KCNAB1: variants seen among roughly 807,000 people sequenced by gnomAD.
KCNAB1 encodes the protein voltage-gated potassium channel subunit beta-1.
A neutral mutation model predicts 64.6 loss-of-function variants in KCNAB1; 35 were observed. That is an observed-to-expected ratio of 0.54 (90% CI 0.41 to 0.72). The LOEUF is 0.72. KCNAB1 is among the 30% of genes least tolerant of loss of function. The pLI is 0.00. For missense variants in KCNAB1, 401 were observed against 512.9 expected (o/e 0.78, Z 2.11); for synonymous variants, 177 against 183.8 (o/e 0.96, Z 0.30).
At chr3:156,370,578 C>T (rs1726236157) in intron 1 of KCNAB1, among the ~76,000 whole-genome samples, 1 of 152,256 alleles carries the variant, frequency 6.6e-6, no homozygotes, top group Non-Finnish European at 1.5e-5. Flanking sequence ...TTAATGCAAA[C>T]TGATGTATGA....
intron 1 of KCNAB1, among the ~76,000 whole-genome samples, chr3:156,355,991 G>A (rs1168560974): frequency 1.3e-5 from 2 of 151,756 alleles, no homozygotes; most frequent in Non-Finnish European, 2.9e-5. Context: ...GCATGGTGGT[G>A]TGCACCTGTA....
chr3:156,459,166 C>G (rs1000605012), intron 4 of KCNAB1, among the ~76,000 whole-genome samples: 1 of 152,188 alleles, frequency 6.6e-6, no homozygotes, highest in Non-Finnish European at 1.5e-5. Context: ...GGACATAGAA[C>G]ATTTGTCTCC....
intron 1 of KCNAB1, among the ~76,000 whole-genome samples, chr3:156,384,586 G>A (rs1712429452): frequency 6.6e-6 from 1 of 152,176 alleles, no homozygotes; most frequent in South Asian, 2.1e-4. Context: ...TGAGATATGA[G>A]TAGAAAGAAA....
intron 1 of KCNAB1, among the ~76,000 whole-genome samples, chr3:156,205,010 C>A (rs1213108876): frequency 6.6e-6 from 1 of 152,048 alleles, no homozygotes; most frequent in African/African-American, 2.4e-5. Flanking sequence ...ATGTACAACA[C>A]AAAAATTATA....
At chr3:156,410,738 T>C (rs1316835592) in intron 1 of KCNAB1, among the ~76,000 whole-genome samples, 5 of 152,230 alleles carry the variant, frequency 3.3e-5, no homozygotes, top group African/African-American at 1.2e-4. Flanking sequence ...TATTGTAGCC[T>C]TTTGAGTTTG....
chr3:156,168,629 A>C (rs560061717), intron 1 of KCNAB1, among the ~76,000 whole-genome samples: 1 of 152,350 alleles, frequency 6.6e-6, no homozygotes, highest in Non-Finnish European at 1.5e-5. Context: ...ACATGGATAC[A>C]TCAAAATGTA....
At chr3:156,517,186 C>T (rs1717618866) in intron 11 of KCNAB1, among the ~76,000 whole-genome samples, 1 of 152,196 alleles carries the variant, frequency 6.6e-6, no homozygotes, top group South Asian at 2.1e-4. Context: ...AACTTCTTGC[C>T]TCCATCAGCA....
intron 8 of KCNAB1, among the ~76,000 whole-genome samples, chr3:156,476,003 A>G (rs535745369): frequency 6.6e-6 from 1 of 152,218 alleles, no homozygotes; most frequent in Non-Finnish European, 1.5e-5. Context: ...AGCGTGGGAA[A>G]TTTTCCATGG....
chr3:156,516,300 C>T lies in KCNAB1; in HGVS notation c.896C>T (p.Ala299Val), dbSNP rs757532515. 55 of 1,613,870 alleles carry T rather than the reference C, an allele frequency of 3.4e-5. No individual in the cohort carries two copies. The highest frequency in any genetic ancestry group is 4.5e-5 in the Non-Finnish European group (53 of 1,179,860). Reference protein sequence around the residue: ...GVGAMTWSPLACGIISGKYGN... With the variant: ...GVGAMTWSPLVCGIISGKYGN... ...GGCGCAATGACATGGTCTCCACTTGCCTGTGGAATCATCTCAGGAAAATAC... is the reference window on the plus strand; with the variant it reads ...GGCGCAATGACATGGTCTCCACTTGTCTGTGGAATCATCTCAGGAAAATAC... Residue 299 changes from alanine to valine, a missense_variant, in exon 11 of 14, where the codon GCC (alanine) becomes GTC (valine). Ala to Val is a moderately conservative substitution (Grantham distance 64). Transcript: ENST00000490337.
chr3:156,281,700 G>C (rs1719737913), intron 1 of KCNAB1, among the ~76,000 whole-genome samples: 1 of 151,116 alleles, frequency 6.6e-6, no homozygotes, highest in Non-Finnish European at 1.5e-5. Flanking sequence ...TTGGGAGAGT[G>C]TATGTGTCCA....
At chr3:156,453,457 T>C (rs1712155482) in intron 3 of KCNAB1, among the ~76,000 whole-genome samples, 1 of 152,202 alleles carries the variant, frequency 6.6e-6, no homozygotes, top group African/African-American at 2.4e-5. Context: ...CTAACTTTGA[T>C]GGTGATCTGT....
intron 1 of KCNAB1, among the ~76,000 whole-genome samples, chr3:156,303,136 C>T (rs998298094): frequency 3.9e-5 from 6 of 152,214 alleles, no homozygotes; most frequent in Non-Finnish European, 8.8e-5. Context: ...CTGTGAAGTT[C>T]TGTCTCACAT....
At chr3:156,484,221 G>A (rs533496169) in intron 8 of KCNAB1, among the ~76,000 whole-genome samples, 1 of 152,128 alleles carries the variant, frequency 6.6e-6, no homozygotes, top group South Asian at 2.1e-4. Flanking sequence ...GTATCATTCA[G>A]TAAGTTAAAA....
rs1298633303 is a variant in KCNAB1 at position 156,284,152 on chromosome 3, G to A, written c.276-137464G>A. ...ATGTACAGATGGGTTTTTGGTGTGG[G>A]TGTCCTTTCTGTTTGTTAGTTTTCC... On this transcript the variant is annotated intron_variant, in intron 1 of 13. Transcript: ENST00000490337. Among the ~76,000 whole-genome samples the A allele has an allele frequency of 7.6e-3, 1,147 of 151,702 alleles. 7 individuals carry two copies. Among genetic ancestry groups the A allele is most frequent in the Non-Finnish European group, 0.011 (739 of 67,874 alleles).
At chr3:156,133,646 G>A (rs991910388) in intron 1 of KCNAB1, among the ~76,000 whole-genome samples, 9 of 152,172 alleles carry the variant, frequency 5.9e-5, no homozygotes, top group African/African-American at 2.2e-4. Context: ...CAACACTACA[G>A]TCAAGTTTTT....
chr3:156,426,104 AC>A (rs1715798505), intron 2 of KCNAB1, among the ~76,000 whole-genome samples: 1 of 152,090 alleles, frequency 6.6e-6, no homozygotes, highest in East Asian at 1.9e-4. Flanking sequence ...GATTATAAGA[AC>A]CCTTGTTTGC....
chr3:156,420,950 C>G (rs902895203), intron 1 of KCNAB1, among the ~76,000 whole-genome samples: 21 of 150,110 alleles, frequency 1.4e-4, no homozygotes, highest in African/African-American at 3.7e-4. Flanking sequence ...TATATATACA[C>G]ACACACACAT....
chr3:156,452,080 A>C lies in KCNAB1; in HGVS notation c.320-819A>C, dbSNP rs1712050821. On this transcript the variant is annotated intron_variant, in intron 2 of 13. Coordinates refer to ENST00000490337, the MANE Select transcript of KCNAB1 (RefSeq NM_172160.3). The surrounding 1 kb of genome is among the most constrained non-coding windows in gnomAD (Gnocchi z 4.6). ...GTGCAATGCTTTTATGTGGCATGTA[A>C]TTAGGAATCAAAAGAATTCATTCCC... 6.6e-6 allele frequency among the ~76,000 whole-genome samples: 1 copy of C among 152,210 alleles called. No individual in the cohort carries two copies. Among genetic ancestry groups the C allele is most frequent in the Non-Finnish European group, 1.5e-5 (1 of 68,032 alleles).
intron 8 of KCNAB1, among the ~76,000 whole-genome samples, chr3:156,477,752 C>T (rs895167109): frequency 6.6e-5 from 10 of 151,918 alleles, no homozygotes; most frequent in African/African-American, 1.2e-4. Flanking sequence ...TTTACTGTAC[C>T]GGGGGAAGGT....
Sources: allele counts gnomAD v4.1 joint callset (sites outside exome capture counted in the v4.1 genomes callset), GRCh38; gene constraint gnomAD v4.1.1; non-coding constraint Gnocchi (gnomAD v3.1); transcripts MANE v1.5; gene names NCBI Gene and HGNC (gene_info 2026-07-23, HGNC 2026-07-21).